BTBD7: variants seen among roughly 807,000 people sequenced by gnomAD.
BTBD7 encodes BTB/POZ domain-containing protein 7.
BTBD7 carries 38 observed loss-of-function variants against 99.9 expected under a neutral mutation model. The ratio of observed to expected loss-of-function variants is 0.38; its 90% confidence interval spans 0.29 to 0.50. The LOEUF (loss-of-function observed/expected upper bound fraction) is 0.50, where lower values mean the gene tolerates loss of function less well. Among genes scored for constraint, BTBD7 ranks in the 20% least tolerant of loss-of-function variants. The pLI is 0.93. For synonymous variants in BTBD7, 520 were observed against 511.4 expected (o/e 1.02, Z -0.23); for missense variants, 1,170 against 1,394.6 (o/e 0.84, Z 2.57).
chr14:93,256,610 G>A (rs998282225), intron 6 of BTBD7: 32 of 152,228 alleles, frequency 2.1e-4, no homozygotes, highest in African/African-American at 7.7e-4. Flanking sequence ...GTAGAGATGG[G>A]GTTCTACCAT....
In BTBD7 at chr14:93,242,393, G is replaced by A. The variant is rs775432782; in HGVS notation, c.3279C>T (p.Asp1093=). The A allele has an allele frequency of 5.0e-6, 8 of 1,614,074 alleles. No individual in the cohort carries two copies. The Admixed American group carries it at 8.3e-5, about 17-fold the overall frequency. The stretch of plus-strand genomic sequence containing the variant: ...GAGCTCCATGGCCCAGGGACTCACT[G>A]TCTGCCAGTCTTCTACCGGATCTCT... ...PEERSGRRLA[D]SESLGHGAQR... is the part of the protein sequence containing the mutation. The change falls in exon 11 of 11, where the codon GAC becomes GAT. Residue 1093 remains aspartate (D), a synonymous_variant. Coordinates refer to ENST00000334746, the MANE Select transcript of BTBD7 (RefSeq NM_001002860.4).
At position 93,244,376 on chromosome 14, in the gene BTBD7, C is replaced by A. The variant is rs374589223; in HGVS notation, c.2584-1288G>T. 1.1e-4 allele frequency: 22 copies of A among 192,552 alleles called. 1 individual carries two copies. In the East Asian group the frequency reaches 1.6e-3, roughly 14 times the overall value. The allele number at this position is 192,552 out of a possible 1,614,324, so 11.9% of individuals were successfully genotyped here. A position where few individuals can be genotyped will look rare whatever the true frequency, so the allele number is the denominator to read the frequency against. On this transcript the variant is annotated intron_variant, in intron 10 of 10. Transcript: ENST00000334746. ...TAATAAAATCTTGAGGTTGGCCGGG[C>A]GCAGTGGCCCACGCCTGTAATCCCA...
chr14:93,316,198 C>T (rs887303278), intron 1 of BTBD7, among the ~76,000 whole-genome samples: 1 of 151,532 alleles, frequency 6.6e-6, no homozygotes, highest in African/African-American at 2.4e-5. Context: ...AGGTGATCTA[C>T]CCACCTTGGC....
chr14:93,269,671 A>G (rs185625231), intron 3 of BTBD7, among the ~76,000 whole-genome samples: 1 of 152,346 alleles, frequency 6.6e-6, no homozygotes, highest in African/African-American at 2.4e-5. Context: ...AGTAAAATTC[A>G]GCAAAAACAC....
At chr14:93,266,401 A>G (rs2052544241) in intron 3 of BTBD7, among the ~76,000 whole-genome samples, 1 of 152,154 alleles carries the variant, frequency 6.6e-6, no homozygotes, top group African/African-American at 2.4e-5. Context: ...TATCACAGGA[A>G]AAAAGCTCCA....
chr14:93,244,918 T>G (rs796811240), intron 10 of BTBD7, among the ~76,000 whole-genome samples: 87 of 150,026 alleles, frequency 5.8e-4, no homozygotes, highest in African/African-American at 2.0e-3. Flanking sequence ...GGGCAGTGGT[T>G]TGATCACAGC....
intron 3 of BTBD7, among the ~76,000 whole-genome samples, chr14:93,291,195 CAT>C (rs2052851099): frequency 1.3e-5 from 2 of 151,990 alleles, no homozygotes; most frequent in African/African-American, 4.8e-5. Context: ...TAGTGAGAGA[CAT>C]ATGTTGTGGT....
In BTBD7 at chr14:93,283,628, T is replaced by C. The variant is rs143606310; in HGVS notation, c.1162+10230A>G. ...GTGCAGTAGCAGGATCTCAGCTCAC[T>C]GTAATCTCCGCCTCCCTGGTTCAAG... On this transcript the variant is annotated intron_variant, in intron 3 of 10. Transcript: ENST00000334746. 5.5e-3 allele frequency among the ~76,000 whole-genome samples: 833 copies of C among 152,338 alleles called. 2 individuals are homozygous for C. Among genetic ancestry groups the C allele is most frequent in the Non-Finnish European group, 8.9e-3 (605 of 68,026 alleles).
chr14:93,305,334 T>A (rs1487349844), intron 1 of BTBD7, among the ~76,000 whole-genome samples: 1 of 152,194 alleles, frequency 6.6e-6, no homozygotes, highest in Non-Finnish European at 1.5e-5. Flanking sequence ...TCCTCCTAAG[T>A]TTCTTCTGAA....
chr14:93,311,019 A>G (rs1337593412), intron 1 of BTBD7, among the ~76,000 whole-genome samples: 2 of 152,178 alleles, frequency 1.3e-5, no homozygotes, highest in Admixed American at 1.3e-4. Flanking sequence ...GTCCTGATGC[A>G]GTCTGTATAG....
rs1595321441 is a variant in BTBD7, at chr14:93,295,833, T to C, written c.82+137A>G. Reference sequence around the variant, plus strand: ...AAACCAGACTTAAGATTTACGTTTGTTGGGGGAAAAAACCTAGATGCTGCA... The same window carrying C: ...AAACCAGACTTAAGATTTACGTTTGCTGGGGGAAAAAACCTAGATGCTGCA... On this transcript the variant is annotated intron_variant, in intron 2 of 10. Transcript: ENST00000334746. 3 of 756,806 alleles carry C rather than the reference T, an allele frequency of 4.0e-6. No homozygotes were observed. In the South Asian group the frequency reaches 6.1e-5, roughly 15 times the overall value. 46.9% of individuals were successfully genotyped at this position (756,806 alleles called of 1,614,324 possible). A position where few individuals can be genotyped will look rare whatever the true frequency, so the allele number is the denominator to read the frequency against.
chr14:93,298,644 G>A (rs899451891), intron 1 of BTBD7, among the ~76,000 whole-genome samples: 1 of 151,854 alleles, frequency 6.6e-6, no homozygotes, highest in African/African-American at 2.4e-5. Context: ...AATACTCAAC[G>A]TGTATTACAA....
At position 93,246,217 on chromosome 14, in the gene BTBD7, C is replaced by T; in HGVS notation, c.2191G>A (p.Gly731Arg). The change falls in exon 10 of 11, where the codon GGG becomes AGG. Residue 731 changes from glycine to arginine, a missense_variant. By Grantham distance (125) the Gly-to-Arg change is moderately radical (BLOSUM62 -2). This residue lies in a region of BTBD7 where 495 missense variants were observed against 525.9 expected (regional missense o/e 0.94). Coordinates refer to ENST00000334746, the MANE Select transcript of BTBD7 (RefSeq NM_001002860.4). Reference protein sequence around the residue: ...ESPLLTMRQPGRCRVNSTPPA... With the variant: ...ESPLLTMRQPRRCRVNSTPPA... ...GGTGTACTGTTTACGCGACATCTCC[C>T]AGGCTGTCTCATTGTCAAGAGTGGA... 3 of 1,596,664 alleles carry T rather than the reference C, an allele frequency of 1.9e-6. No individual in the cohort carries two copies. The highest frequency in any genetic ancestry group is 1.7e-6 in the Non-Finnish European group (2 of 1,170,384).
At chr14:93,261,143 A>C (rs938014682) in intron 5 of BTBD7, among the ~76,000 whole-genome samples, 6 of 152,226 alleles carry the variant, frequency 3.9e-5, no homozygotes, top group Admixed American at 1.3e-4. Flanking sequence ...CTGTACTCGT[A>C]TTTTTAAACT....
At chr14:93,258,961 T>G (rs2052459986) in intron 5 of BTBD7, among the ~76,000 whole-genome samples, 1 of 152,244 alleles carries the variant, frequency 6.6e-6, no homozygotes, top group Non-Finnish European at 1.5e-5. Context: ...AAATGACATT[T>G]CATCATTACC....
chr14:93,248,334 C>G, intron 9 of BTBD7, 142 bp downstream of exon 9: 1 of 802,532 alleles, frequency 1.2e-6, no homozygotes, highest in Non-Finnish European at 1.9e-6. Context: ...GAGGGACTTG[C>G]AGGTTATCAA....
intron 3 of BTBD7, among the ~76,000 whole-genome samples, chr14:93,268,473 A>G (rs1319850992): frequency 1.3e-5 from 2 of 152,222 alleles, no homozygotes; most frequent in Non-Finnish European, 2.9e-5. Flanking sequence ...GCAAATAATA[A>G]TAGTAGCTAA....
intron 1 of BTBD7, among the ~76,000 whole-genome samples, chr14:93,308,278 C>G (rs944225181): frequency 7.1e-6 from 1 of 140,468 alleles, no homozygotes; most frequent in African/African-American, 2.7e-5. Context: ...CAGAGCCAGA[C>G]TCGGTCTCCA....
chr14:93,288,219 T>A, intron 3 of BTBD7: 1 of 355,990 alleles, frequency 2.8e-6, no homozygotes, highest in East Asian at 4.4e-5. Flanking sequence ...TTTCTTATAT[T>A]ACTCCTTAGA....
Sources: gnomAD v4.1 joint callset for allele counts (sites outside exome capture counted in the v4.1 genomes callset) on GRCh38, gnomAD v4.1.1 for gene constraint, gnomAD v4.1.1 regional missense constraint, MANE v1.5 for transcripts, NCBI Gene and HGNC (gene_info 2026-07-23, HGNC 2026-07-21) for gene names.